Variants in LMBR1 observed in about 807,000 individuals in gnomAD.
The protein encoded by LMBR1 is limb development membrane protein 1, also known as limb region 1 protein homolog.
A neutral mutation model predicts 73.9 loss-of-function variants in LMBR1; 52 were observed. The observed-to-expected ratio is 0.70, with a 90% CI of 0.56 to 0.89. The LOEUF is 0.89. Among genes scored for constraint, LMBR1 ranks in the 40% least tolerant of loss-of-function variants. LMBR1 has a pLI of 0.00. For synonymous variants in LMBR1, 215 were observed against 209.4 expected (o/e 1.03, Z -0.23); for missense variants, 539 against 579.8 (o/e 0.93, Z 0.72).
At chr7:156,793,352 GTGAC>G (rs779148066) in intron 5 of LMBR1, among the ~76,000 whole-genome samples, 2 of 152,166 alleles carry the variant, frequency 1.3e-5, no homozygotes, top group East Asian at 3.8e-4. Flanking sequence ...CAACTTTCAT[GTGAC>G]TGATTTTAAA....
At chr7:156,886,554 G>C (rs542670024) in intron 1 of LMBR1, among the ~76,000 whole-genome samples, 1 of 152,342 alleles carries the variant, frequency 6.6e-6, no homozygotes, top group South Asian at 2.1e-4. Context: ...GCTCTTATCA[G>C]GAGAAAGTTA....
At chr7:156,719,112 T>A (rs1813892127) in intron 15 of LMBR1, among the ~76,000 whole-genome samples, 3 of 150,618 alleles carry the variant, frequency 2.0e-5, no homozygotes, top group Non-Finnish European at 4.4e-5. Flanking sequence ...TAGGTATATC[T>A]CCTAATGCTA....
At chr7:156,752,415 T>C (rs1398468135) in intron 9 of LMBR1, among the ~76,000 whole-genome samples, 4 of 152,170 alleles carry the variant, frequency 2.6e-5, no homozygotes, top group Non-Finnish European at 5.9e-5. Flanking sequence ...GGGGAAAAAC[T>C]GGATCATGAC....
chr7:156,876,145 A>C (rs183404363), intron 1 of LMBR1, among the ~76,000 whole-genome samples: 3 of 152,336 alleles, frequency 2.0e-5, no homozygotes, highest in Admixed American at 1.3e-4. Flanking sequence ...GCAAATGGAC[A>C]CCAGAAGTGA....
rs765920378 is a variant in LMBR1, at chr7:156,892,883, G to A, written c.66+45C>T. On this transcript the variant is annotated intron_variant, in intron 1 of 16. Coordinates refer to ENST00000353442, the MANE Select transcript of LMBR1 (RefSeq NM_022458.4). Reference sequence around the variant, plus strand: ...GCCCGGGGGCGGGGACGGAGGGCCCGGGCGGGCACGCGGGACTGTCAGGGC... The same window carrying A: ...GCCCGGGGGCGGGGACGGAGGGCCCAGGCGGGCACGCGGGACTGTCAGGGC... The A allele has an allele frequency of 1.3e-5, 18 of 1,381,400 alleles. 1 individual carries two copies. In the Admixed American group the frequency reaches 3.4e-4, roughly 26 times the overall value. 85.6% of individuals were successfully genotyped at this position (1,381,400 alleles called of 1,614,324 possible).
intron 1 of LMBR1, among the ~76,000 whole-genome samples, chr7:156,856,239 TAGATAG>T (rs908033777): frequency 6.6e-6 from 1 of 152,038 alleles, no homozygotes; most frequent in Non-Finnish European, 1.5e-5. Flanking sequence ...GATAGATAGA[TAGATAG>T]AATTTGTCAG....
At chr7:156,842,595 G>A (rs189517338) in intron 1 of LMBR1, among the ~76,000 whole-genome samples, 7 of 152,240 alleles carry the variant, frequency 4.6e-5, no homozygotes, top group Admixed American at 6.5e-5. Context: ...TTCCTCAAGG[G>A]GAACTGGGTT....
At chr7:156,858,555 A>G (rs765092691) in intron 1 of LMBR1, among the ~76,000 whole-genome samples, 1 of 152,200 alleles carries the variant, frequency 6.6e-6, no homozygotes, top group African/African-American at 2.4e-5. Context: ...TTTCTAACAC[A>G]CTATATGAGG....
intron 8 of LMBR1, among the ~76,000 whole-genome samples, chr7:156,759,752 T>C (rs1275404670): frequency 1.3e-5 from 2 of 151,934 alleles, no homozygotes; most frequent in African/African-American, 4.8e-5. Flanking sequence ...GCAAGGCAAT[T>C]TTTACTTCTA....
chr7:156,848,392 T>A (rs1464287695), intron 1 of LMBR1, among the ~76,000 whole-genome samples: 1 of 152,128 alleles, frequency 6.6e-6, no homozygotes, highest in Non-Finnish European at 1.5e-5. Context: ...AAAGACACTT[T>A]TCAAAAGAAG....
At chr7:156,780,628 A>C (rs1275552663) in intron 5 of LMBR1, among the ~76,000 whole-genome samples, 3 of 152,220 alleles carry the variant, frequency 2.0e-5, no homozygotes, top group Non-Finnish European at 4.4e-5. Flanking sequence ...ATTCATAGAA[A>C]AGAAGAAATG....
At chr7:156,820,721 T>A (rs1238394742) in intron 4 of LMBR1, among the ~76,000 whole-genome samples, 1 of 152,200 alleles carries the variant, frequency 6.6e-6, no homozygotes, top group African/African-American at 2.4e-5. Flanking sequence ...AACACATTTC[T>A]CATTTGCGTG....
intron 9 of LMBR1, among the ~76,000 whole-genome samples, chr7:156,737,197 CTTACA>C (rs1371786558): frequency 2.6e-5 from 4 of 152,166 alleles, no homozygotes; most frequent in African/African-American, 9.7e-5. Context: ...TACCTTTGCT[CTTACA>C]TTATAGTTTG....
At chr7:156,819,141 T>G (rs1188653101) in intron 4 of LMBR1, among the ~76,000 whole-genome samples, 1 of 152,246 alleles carries the variant, frequency 6.6e-6, no homozygotes, top group Non-Finnish European at 1.5e-5. Flanking sequence ...CTTGCTTACA[T>G]GACACAGTTT....
At chr7:156,848,700 G>A (rs1024621204) in intron 1 of LMBR1, among the ~76,000 whole-genome samples, 11 of 152,156 alleles carry the variant, frequency 7.2e-5, no homozygotes, top group African/African-American at 2.4e-4. Context: ...GGGAGGCCAA[G>A]GTGGGTGGAT....
At chr7:156,792,398 T>A (rs1221847012) in intron 5 of LMBR1, among the ~76,000 whole-genome samples, 1 of 152,194 alleles carries the variant, frequency 6.6e-6, no homozygotes, top group East Asian at 1.9e-4. Context: ...TACACATAGG[T>A]GACAGCAAAA....
Position 156,833,801 on chromosome 7 carries a change from A to G in LMBR1, c.140-9T>C. On this transcript the variant is annotated splice_polypyrimidine_tract_variant and intron_variant, in intron 2 of 16. Coordinates refer to ENST00000353442, the MANE Select transcript of LMBR1 (RefSeq NM_022458.4). Reference sequence around the variant, plus strand: ...TTCATCTTCTTGTTCATCTGCAAAAATGTTTAAGGTATTAATATTCCTTTA... The same window carrying G: ...TTCATCTTCTTGTTCATCTGCAAAAGTGTTTAAGGTATTAATATTCCTTTA... 1.3e-6 allele frequency: 2 copies of G among 1,572,350 alleles called. No individual in the cohort carries two copies.
chr7:156,715,985 T>C (rs957618818), intron 15 of LMBR1, among the ~76,000 whole-genome samples: 1 of 152,214 alleles, frequency 6.6e-6, no homozygotes, highest in Non-Finnish European at 1.5e-5. Flanking sequence ...AGTTCATCTA[T>C]TCTAGAACAC....
intron 4 of LMBR1, among the ~76,000 whole-genome samples, chr7:156,797,162 G>A (rs761359410): frequency 6.6e-6 from 1 of 152,098 alleles, no homozygotes; most frequent in Admixed American, 6.6e-5. Context: ...TTCCAAGTGG[G>A]AAAGAAAAAG....
Sources: allele counts gnomAD v4.1 joint callset (sites outside exome capture counted in the v4.1 genomes callset), GRCh38; gene constraint gnomAD v4.1.1; transcripts MANE v1.5; gene names NCBI Gene and HGNC (gene_info 2026-07-23, HGNC 2026-07-21).